SLC33A1: variants seen among roughly 807,000 people sequenced by gnomAD.
The protein encoded by SLC33A1 is acetyl-coenzyme A transporter 1.
A neutral mutation model predicts 50.0 loss-of-function variants in SLC33A1; 20 were observed. The observed-to-expected ratio is 0.40, with a 90% confidence interval of 0.28 to 0.58. SLC33A1 has a LOEUF of 0.58. Among genes scored for constraint, SLC33A1 ranks in the 20% least tolerant of loss-of-function variants. The pLI is 0.44. For missense variants in SLC33A1, 476 were observed against 657.0 expected (o/e 0.72, Z 3.01); for synonymous variants, 265 against 251.8 (o/e 1.05, Z -0.50).
chr3:155,828,942 G>A (rs574861949), intron 5 of SLC33A1, among the ~76,000 whole-genome samples: 15 of 141,072 alleles, frequency 1.1e-4, no homozygotes, highest in South Asian at 4.6e-4. Flanking sequence ...TTGTTCTGTC[G>A]CCCAGGCTGG....
rs1261473512 is a variant in SLC33A1 at position 155,823,349 on chromosome 3, G to A, written c.*4861C>T. ...AAATGGTGATTACATAAAAAATTTG[G>A]CATTGTCAAATCAGGCAGATACAAT... is the stretch of plus-strand genomic sequence containing the variant. On this transcript the variant is annotated 3_prime_UTR_variant, in exon 6 of 6. Coordinates refer to ENST00000643144, the MANE Select transcript of SLC33A1 (RefSeq NM_004733.4). 1 of 152,142 alleles carries A rather than the reference G, an allele frequency of 6.6e-6. No homozygotes were observed. The highest frequency in any genetic ancestry group is 1.5e-5 in the Non-Finnish European group (1 of 68,038). The allele number at this position is 152,142 out of a possible 1,614,324, so 9.4% of individuals were successfully genotyped here.
intron 4 of SLC33A1, among the ~76,000 whole-genome samples, chr3:155,831,010 AACTT>A (rs1168698809): frequency 4.6e-5 from 7 of 152,212 alleles, no homozygotes; most frequent in Non-Finnish European, 7.3e-5. Flanking sequence ...GAAAGACACT[AACTT>A]ACACAAAATT....
intron 2 of SLC33A1, among the ~76,000 whole-genome samples, chr3:155,839,741 A>G (rs755602264): frequency 6.6e-6 from 1 of 152,080 alleles, no homozygotes; most frequent in Non-Finnish European, 1.5e-5. Context: ...TGAGGTCAGG[A>G]GTTTGAGACC....
intron 2 of SLC33A1, among the ~76,000 whole-genome samples, chr3:155,839,750 C>A (rs1270171010): frequency 6.6e-6 from 1 of 152,014 alleles, no homozygotes; most frequent in Non-Finnish European, 1.5e-5. Context: ...GAGTTTGAGA[C>A]CAGCCTGGCC....
chr3:155,822,335 C>A lies in SLC33A1; in HGVS notation c.*5875G>T, dbSNP rs1273159346. Reference sequence around the variant, plus strand: ...AGGTGCAGTGGCTCACACCTGCAATCCCAGCACTTTGGGAGGCCGAGGCAG... The same window carrying A: ...AGGTGCAGTGGCTCACACCTGCAATACCAGCACTTTGGGAGGCCGAGGCAG... On this transcript the variant is annotated 3_prime_UTR_variant, in exon 6 of 6. Coordinates refer to ENST00000643144, the MANE Select transcript of SLC33A1 (RefSeq NM_004733.4). The A allele has an allele frequency of 6.6e-6, 1 of 152,016 alleles. No individual in the cohort carries two copies. Among genetic ancestry groups the A allele is most frequent in the Non-Finnish European group, 1.5e-5 (1 of 68,054 alleles). 9.4% of individuals were successfully genotyped at this position (152,016 alleles called of 1,614,324 possible). A position where few individuals can be genotyped will look rare whatever the true frequency, so the allele number is the denominator to read the frequency against.
intron 1 of SLC33A1, among the ~76,000 whole-genome samples, chr3:155,845,481 G>A (rs550585318): frequency 3.9e-5 from 6 of 152,132 alleles, no homozygotes; most frequent in South Asian, 2.1e-4. Context: ...TGTGAGCCAC[G>A]GTACCCAGAC....
intron 2 of SLC33A1, among the ~76,000 whole-genome samples, chr3:155,835,213 T>C (rs1752598652): frequency 6.6e-6 from 1 of 152,156 alleles, no homozygotes; most frequent in Non-Finnish European, 1.5e-5. Context: ...TGGATATACA[T>C]AGAAAGAGAA....
intron 1 of SLC33A1, among the ~76,000 whole-genome samples, chr3:155,850,488 G>A (rs1753354250): frequency 6.6e-6 from 1 of 151,834 alleles, no homozygotes; most frequent in Non-Finnish European, 1.5e-5. Context: ...TAATGTAAGA[G>A]TGATTGGTAA....
intron 2 of SLC33A1, among the ~76,000 whole-genome samples, chr3:155,834,557 G>A (rs887658094): frequency 1.3e-5 from 2 of 151,868 alleles, no homozygotes; most frequent in Admixed American, 1.3e-4. Context: ...AAAATGAAAG[G>A]GATAAAGTAT....
intron 4 of SLC33A1, among the ~76,000 whole-genome samples, chr3:155,833,230 C>T (rs1752517270): frequency 6.6e-6 from 1 of 151,990 alleles, no homozygotes; most frequent in Non-Finnish European, 1.5e-5. Flanking sequence ...GCCTGGGTGA[C>T]AGAGCAAGAC....
At chr3:155,848,612 G>A (rs1753274039) in intron 1 of SLC33A1, among the ~76,000 whole-genome samples, 1 of 152,138 alleles carries the variant, frequency 6.6e-6, no homozygotes, top group South Asian at 2.1e-4. Flanking sequence ...AACCCTGGAG[G>A]TGGAGCTTGC....
At chr3:155,844,723 C>G (rs1753101402) in intron 1 of SLC33A1, 1 of 151,920 alleles carries the variant, frequency 6.6e-6, no homozygotes. Flanking sequence ...CTGCCTTGGC[C>G]TCCCAAAGAG....
At chr3:155,835,456 A>G (rs1478171825) in intron 2 of SLC33A1, among the ~76,000 whole-genome samples, 1 of 152,204 alleles carries the variant, frequency 6.6e-6, no homozygotes, top group East Asian at 1.9e-4. Context: ...AGCAGCCTGA[A>G]AAACTTGAGT....
At chr3:155,842,911 G>A (rs1221461089) in intron 1 of SLC33A1, 1 of 191,374 alleles carries the variant, frequency 5.2e-6, no homozygotes. Flanking sequence ...GGGAGGCTGA[G>A]GACTACCTGA....
At chr3:155,840,031 A>G (rs959092890) in intron 2 of SLC33A1, among the ~76,000 whole-genome samples, 1 of 152,132 alleles carries the variant, frequency 6.6e-6, no homozygotes, top group African/African-American at 2.4e-5. Flanking sequence ...TATATAGGGA[A>G]AAAAGGGAGT....
intron 2 of SLC33A1, among the ~76,000 whole-genome samples, chr3:155,838,832 A>C (rs912583844): frequency 2.0e-5 from 3 of 151,762 alleles, no homozygotes; most frequent in African/African-American, 7.3e-5. Context: ...TCTAGACGAC[A>C]GAGCAAGACC....
chr3:155,854,082 G>T lies in SLC33A1; in HGVS notation c.-85C>A, dbSNP rs1399255758. On this transcript the variant is annotated 5_prime_UTR_variant, in exon 1 of 6. Transcript: ENST00000643144. ...CCAGTCCCAGGTCCAAGGCTGTCGC[G>T]CTGGACCAGGGTTTCGGTGGTTCAC... The T allele has an allele frequency of 1.7e-6, 2 of 1,154,710 alleles. No individual in the cohort carries two copies. The highest frequency in any genetic ancestry group is 3.1e-5 in the African/African-American group (2 of 65,028). 71.5% of individuals were successfully genotyped at this position (1,154,710 alleles called of 1,614,324 possible).
chr3:155,844,441 ATATATATATATATATATTTTTTTTTTTT>A (rs1396532414), intron 1 of SLC33A1, among the ~76,000 whole-genome samples: 49 of 5,596 alleles, frequency 8.8e-3, no homozygotes, highest in African/African-American at 0.025. Flanking sequence ...ATATATATAT[ATATATATATATATATATTTTTTTTTTTT>A]TTTTTTTTTT....
Position 155,823,045 on chromosome 3 carries a change from T to C in SLC33A1, c.*5165A>G, listed in dbSNP as rs1164786166. 1.3e-5 allele frequency: 2 copies of C among 152,156 alleles called. No individual in the cohort carries two copies. The highest frequency in any genetic ancestry group is 4.8e-5 in the African/African-American group (2 of 41,434). 9.4% of individuals were successfully genotyped at this position (152,156 alleles called of 1,614,324 possible). A position where few individuals can be genotyped will look rare whatever the true frequency, so the allele number is the denominator to read the frequency against. ...TATAAAGTCTTTTTCTCCTACAAAA[T>C]ATCCATTCTCCTTCCCCAAAATAAA... On this transcript the variant is annotated 3_prime_UTR_variant, in exon 6 of 6. Coordinates refer to ENST00000643144, the MANE Select transcript of SLC33A1 (RefSeq NM_004733.4).
Sources: allele counts gnomAD v4.1 joint callset (sites outside exome capture counted in the v4.1 genomes callset), GRCh38; gene constraint gnomAD v4.1.1; transcripts MANE v1.5; gene names NCBI Gene and HGNC (gene_info 2026-07-23, HGNC 2026-07-21).